FSD1L: variants seen among roughly 807,000 people sequenced by gnomAD.
FSD1L encodes fibronectin type III and SPRY domain containing 1 like.
Under a neutral mutation model 71.6 loss-of-function variants are expected in FSD1L, and 45 were observed. The ratio of observed to expected loss-of-function variants is 0.63; its 90% CI spans 0.49 to 0.81. The LOEUF (loss-of-function observed/expected upper bound fraction) is 0.81. Among genes scored for constraint, FSD1L ranks in the 30% least tolerant of loss-of-function variants. The pLI is 0.00. For synonymous variants in FSD1L, 197 were observed against 207.2 expected, an observed-to-expected ratio of 0.95 and a Z score of 0.42; for missense variants, 561 against 618.1, an observed-to-expected ratio of 0.91 and a Z score of 0.98.
intron 12 of FSD1L, among the ~76,000 whole-genome samples, chr9:105,535,623 C>A (rs1159254333): frequency 6.6e-6 from 1 of 152,086 alleles, no homozygotes; most frequent in East Asian, 1.9e-4. Flanking sequence ...TGTTTTATTA[C>A]CTACCTCTAA....
In FSD1L at chr9:105,535,176, A is replaced by T; in HGVS notation, c.1236A>T (p.Gln412His). The T allele has an allele frequency of 6.4e-7, 1 of 1,552,096 alleles. No homozygotes were observed. The highest frequency in any genetic ancestry group is 1.2e-5 in the South Asian group (1 of 84,062). The change falls in exon 12 of 14, where the codon CAA becomes CAT. Residue 412 changes from glutamine to histidine, a missense_variant. This residue lies in a region of FSD1L where 53 missense variants were observed against 102.2 expected (regional missense o/e 0.52). Transcript: ENST00000481272. ...ACAAAACGTTGGGGAAATTTGACCA[A>T]TTGGGAAAGACAAACACTAGTTGGT... ...VAYKTLGKFD[Q>H]LGKTNTSWCI...
intron 7 of FSD1L, among the ~76,000 whole-genome samples, chr9:105,494,841 G>C (rs900685914): frequency 4.6e-5 from 7 of 152,158 alleles, no homozygotes; most frequent in African/African-American, 1.7e-4. Context: ...AAATGCTGCT[G>C]TCTTATCGTT....
At chr9:105,523,906 C>T (rs1835340691) in intron 10 of FSD1L, 42 of 1,591,084 alleles carry the variant, frequency 2.6e-5, no homozygotes, top group Non-Finnish European at 3.0e-5. Flanking sequence ...ATTGTAGCAG[C>T]TGGTAGAGTG....
At chr9:105,529,475 G>A (rs542295453) in intron 10 of FSD1L, among the ~76,000 whole-genome samples, 157 of 152,296 alleles carry the variant, frequency 1.0e-3, no homozygotes, top group African/African-American at 3.6e-3. Context: ...CCTTTGCAGG[G>A]ACACTGATGA....
In FSD1L at chr9:105,539,133, TAATC is replaced by T. The variant is rs144546192; in HGVS notation, c.1379-129_1379-126del. 1,849 of 558,680 alleles carry T rather than the reference TAATC, an allele frequency of 3.3e-3. 28 individuals are homozygous for T. The highest frequency in any genetic ancestry group is 0.033 in the African/African-American group (1,693 of 51,544). 34.6% of individuals were successfully genotyped at this position (558,680 alleles called of 1,614,324 possible). A position where few individuals can be genotyped will look rare whatever the true frequency, so the allele number is the denominator to read the frequency against. ...CTTCTGATTTTCAAGTGAGAATAAT[TAATC>T]CAGTCCTCATACAAAAATTAATGCC... is the stretch of plus-strand genomic sequence containing the variant. On this transcript the variant is annotated intron_variant, in intron 12 of 13. Transcript: ENST00000481272.
intron 7 of FSD1L, chr9:105,500,724 C>G (rs181041774): frequency 6.6e-6 from 1 of 152,256 alleles, no homozygotes; most frequent in Admixed American, 6.5e-5. Flanking sequence ...ACTGGGTCTC[C>G]TTGGAGCTGG....
Position 105,547,746 on chromosome 9 carries a change from TC to T in FSD1L, c.*1265del, listed in dbSNP as rs1422870455. On this transcript the variant is annotated 3_prime_UTR_variant, in exon 14 of 14. Transcript: ENST00000481272. The stretch of plus-strand genomic sequence containing the variant: ...AGTCAATTATAATTTGTAACTCACA[TC>T]CTTTGAGCTAAACTAAATTAAAATT... 6.6e-6 allele frequency: 1 copy of T among 152,138 alleles called. No homozygotes were observed. Among genetic ancestry groups the T allele is most frequent in the African/African-American group, 2.4e-5 (1 of 41,450 alleles). The allele number at this position is 152,138 out of a possible 1,614,324, so 9.4% of individuals were successfully genotyped here.
At chr9:105,465,971 A>G (rs1018562467) in intron 3 of FSD1L, among the ~76,000 whole-genome samples, 1 of 151,204 alleles carries the variant, frequency 6.6e-6, no homozygotes, top group Middle Eastern at 3.2e-3. Flanking sequence ...TTCCAGGTTC[A>G]AGCGATTCTC....
intron 13 of FSD1L, among the ~76,000 whole-genome samples, chr9:105,543,138 TAATTATATAATTACA>T (rs1229203044): frequency 2.0e-5 from 3 of 152,166 alleles, no homozygotes; most frequent in African/African-American, 7.2e-5. Context: ...TTTATAATGT[TAATTATATAATTACA>T]AATTTCACAG....
intron 1 of FSD1L, among the ~76,000 whole-genome samples, chr9:105,458,381 G>A (rs893412970): frequency 5.3e-5 from 8 of 152,172 alleles, no homozygotes; most frequent in South Asian, 2.1e-4. Flanking sequence ...CCCTTTCTGC[G>A]CCTGCCTTTT....
At position 105,452,673 on chromosome 9, in the gene FSD1L, T is replaced by TGCCTTCCTG. The variant is rs1564073401; in HGVS notation, c.15+4438_15+4439insGCCTTCCTG. Among the ~76,000 whole-genome samples, 130 of 79,718 alleles carry TGCCTTCCTG rather than the reference T, an allele frequency of 1.6e-3. 2 individuals are homozygous for TGCCTTCCTG. The highest frequency in any genetic ancestry group is 7.9e-3 in the African/African-American group (122 of 15,524). The allele number at this position is 79,718 out of a possible 152,430, so 52.3% of individuals were successfully genotyped here. A position where few individuals can be genotyped will look rare whatever the true frequency, so the allele number is the denominator to read the frequency against. ...TGCCTGCCTGCCTGCCTGCCTGCCT[T>TGCCTTCCTG]CCTTCCTTCCTTCCTTCCTTCCTTC... On this transcript the variant is annotated intron_variant, in intron 1 of 13. Coordinates refer to ENST00000481272, the MANE Select transcript of FSD1L (RefSeq NM_001145313.3).
At chr9:105,483,786 G>T (rs1222430730) in intron 6 of FSD1L, among the ~76,000 whole-genome samples, 1 of 152,084 alleles carries the variant, frequency 6.6e-6, no homozygotes, top group Non-Finnish European at 1.5e-5. Flanking sequence ...AGCTGATGTT[G>T]ATAGATCAGA....
chr9:105,541,882 A>G (rs145825954), intron 13 of FSD1L, among the ~76,000 whole-genome samples: 200 of 152,296 alleles, frequency 1.3e-3, no homozygotes, highest in African/African-American at 4.4e-3. Context: ...ATAGAATTGT[A>G]TGGTATGTAG....
Position 105,548,121 on chromosome 9 carries a change from T to C in FSD1L, c.*1638T>C, listed in dbSNP as rs1011765089. On this transcript the variant is annotated 3_prime_UTR_variant, in exon 14 of 14. Transcript: ENST00000481272. ...ATATCTGCACTATTATCTGATGACATGTTGGTAATTTTAAAGACTGCAAGG... is the reference window on the plus strand; with the variant it reads ...ATATCTGCACTATTATCTGATGACACGTTGGTAATTTTAAAGACTGCAAGG... 1.3e-5 allele frequency: 2 copies of C among 150,326 alleles called. No individual in the cohort carries two copies. Among genetic ancestry groups the C allele is most frequent in the African/African-American group, 5.0e-5 (2 of 39,764 alleles). 9.3% of individuals were successfully genotyped at this position (150,326 alleles called of 1,614,324 possible).
chr9:105,523,591 C>A, intron 10 of FSD1L: 1 of 1,611,334 alleles, frequency 6.2e-7, no homozygotes, highest in Non-Finnish European at 8.5e-7. Flanking sequence ...GATAACCTGA[C>A]CTCCCCTTCT....
rs147175004 is a variant in FSD1L, at chr9:105,480,608, A to AT, written c.464+1238dup. Among the ~76,000 whole-genome samples, 1,385 of 152,184 alleles carry AT rather than the reference A, an allele frequency of 9.1e-3. 22 individuals carry two copies. The highest frequency in any genetic ancestry group is 0.032 in the African/African-American group (1,329 of 41,504). On this transcript the variant is annotated intron_variant, in intron 6 of 13. Coordinates refer to ENST00000481272, the MANE Select transcript of FSD1L (RefSeq NM_001145313.3). ...TGCCTGGTCCTGTATTAATTTTTATATTTTTTGTATATTTTACATCAGGCA... is the reference window on the plus strand; with the variant it reads ...TGCCTGGTCCTGTATTAATTTTTATATTTTTTTGTATATTTTACATCAGGCA...
intron 10 of FSD1L, among the ~76,000 whole-genome samples, chr9:105,518,480 T>C (rs1834882886): frequency 6.6e-6 from 1 of 152,110 alleles, no homozygotes; most frequent in Non-Finnish European, 1.5e-5. Context: ...CACAGTGCAA[T>C]CAAATTAGAA....
At chr9:105,482,425 T>G (rs927221627) in intron 6 of FSD1L, among the ~76,000 whole-genome samples, 1 of 152,196 alleles carries the variant, frequency 6.6e-6, no homozygotes, top group African/African-American at 2.4e-5. Context: ...ATGAAAACTA[T>G]GTTTTGTAGT....
intron 9 of FSD1L, among the ~76,000 whole-genome samples, chr9:105,510,283 C>T (rs1292640131): frequency 6.6e-6 from 1 of 152,130 alleles, no homozygotes; most frequent in Non-Finnish European, 1.5e-5. Flanking sequence ...CTCTGAGACC[C>T]ACAAAACAGT....
Sources: gnomAD v4.1 joint callset for allele counts (sites outside exome capture counted in the v4.1 genomes callset) on GRCh38, gnomAD v4.1.1 for gene constraint, gnomAD v4.1.1 regional missense constraint, MANE v1.5 for transcripts, NCBI Gene and HGNC (gene_info 2026-07-23, HGNC 2026-07-21) for gene names.